Variants in MYL10 observed in about 807,000 individuals in gnomAD.
The protein encoded by MYL10 is myosin light chain 10.
In MYL10, 18 loss-of-function variants were observed where a neutral mutation model predicts 21.9. The observed-to-expected ratio is 0.82, with a 90% CI of 0.57 to 1.22. The LOEUF (loss-of-function observed/expected upper bound fraction) is 1.22, where lower values mean the gene tolerates loss of function less well. Ranked by LOEUF, MYL10 falls within the 50% of genes most tolerant of loss-of-function variation. MYL10 has a pLI of 0.00. For synonymous variants in MYL10, 88 were observed against 82.8 expected, an observed-to-expected ratio of 1.06 and a Z score of -0.34; for missense variants, 225 against 230.4, an observed-to-expected ratio of 0.98 and a Z score of 0.15.
At chr7:101,627,472 A>C (rs1796760031) in intron 1 of MYL10, 1 of 152,854 alleles carries the variant, frequency 6.5e-6, no homozygotes, top group African/African-American at 2.4e-5. Context: ...GAACAACCCC[A>C]GCCTACCATG....
At chr7:101,620,172 A>C (rs978164511) in intron 5 of MYL10, among the ~76,000 whole-genome samples, 12 of 152,000 alleles carry the variant, frequency 7.9e-5, no homozygotes, top group Admixed American at 2.6e-4. Flanking sequence ...AAATACAAAA[A>C]AATTTAGCGG....
chr7:101,617,046 G>T (rs1796617253), intron 5 of MYL10, among the ~76,000 whole-genome samples: 2 of 152,264 alleles, frequency 1.3e-5, no homozygotes, highest in South Asian at 2.1e-4. Context: ...GAGAGAGGAA[G>T]GGTCTTGCCC....
In MYL10 at chr7:101,622,142, G is replaced by T. The variant is rs765269001; in HGVS notation, c.408C>A (p.Pro136=). The T allele has an allele frequency of 6.2e-7, 1 of 1,613,704 alleles. No homozygotes were observed. Among genetic ancestry groups the T allele is most frequent in the South Asian group, 1.1e-5 (1 of 91,044 alleles). Residue 136 remains proline, a synonymous_variant, in exon 5 of 8, where the codon CCC becomes CCA. Coordinates refer to ENST00000223167, the MANE Select transcript of MYL10 (RefSeq NM_138403.5). ...LEAMVKEAPG[P]INFTVFLTMF... ...TGGTCAGGAACACCGTGAAGTTGAT[G>T]GGTCCGGGGGCCTCCTTCACCATGG...
chr7:101,619,033 G>A (rs558342631), intron 5 of MYL10, among the ~76,000 whole-genome samples: 271 of 152,254 alleles, frequency 1.8e-3, no homozygotes, highest in Non-Finnish European at 3.1e-3. Flanking sequence ...CACCAGGGGC[G>A]GGAGGTGCTC....
chr7:101,624,358 T>C, intron 1 of MYL10, 94 bp from the exon 2 acceptor site: 1 of 900,812 alleles, frequency 1.1e-6, no homozygotes, highest in Non-Finnish European at 1.7e-6. Flanking sequence ...CGGTCCAGAA[T>C]GACACCGCTT....
At chr7:101,622,067 C>T (rs750656435) in intron 5 of MYL10, 29 bp downstream of exon 5, 3 of 1,561,520 alleles carry the variant, frequency 1.9e-6, no homozygotes, top group Admixed American at 3.3e-5. Flanking sequence ...TCCCTGCTGC[C>T]CCTCCAGGAC....
At chr7:101,624,290 C>A (rs775506050) in intron 1 of MYL10, 26 bp from the exon 2 acceptor site, 5 of 1,593,792 alleles carry the variant, frequency 3.1e-6, no homozygotes, top group Non-Finnish European at 4.3e-6. Context: ...CAAGGCCTTG[C>A]AGCGGCCCCT....
intron 5 of MYL10, among the ~76,000 whole-genome samples, chr7:101,618,192 C>T (rs1402772457): frequency 6.6e-6 from 1 of 152,246 alleles, no homozygotes; most frequent in Non-Finnish European, 1.5e-5. Context: ...TGCCTCTGGG[C>T]AGGGTGGCAG....
chr7:101,619,244 G>A (rs1245660274), intron 5 of MYL10, among the ~76,000 whole-genome samples: 1 of 152,146 alleles, frequency 6.6e-6, no homozygotes, highest in Non-Finnish European at 1.5e-5. Flanking sequence ...TTCTCTCCCG[G>A]CCTCCTGGGC....
intron 5 of MYL10, among the ~76,000 whole-genome samples, chr7:101,617,027 T>G (rs888043534): frequency 2.6e-5 from 4 of 152,224 alleles, no homozygotes; most frequent in Non-Finnish European, 4.4e-5. Flanking sequence ...AATGGGAAAC[T>G]GAAGCCCAGA....
At chr7:101,620,513 T>C (rs1169765898) in intron 5 of MYL10, among the ~76,000 whole-genome samples, 1 of 152,246 alleles carries the variant, frequency 6.6e-6, no homozygotes, top group African/African-American at 2.4e-5. Flanking sequence ...AATACATGTC[T>C]GTTGTTTTGA....
rs1796577318 is a variant in MYL10 at position 101,613,730 on chromosome 7, A to T, written c.534-20T>A. On this transcript the variant is annotated intron_variant, in intron 6 of 7. Transcript: ENST00000223167. ...TTGATGCTGTTCAAGGGAGAGACAC[A>T]GTCATGTTCAGGGAACGGGATACCC... 6.2e-7 allele frequency: 1 copy of T among 1,613,660 alleles called. No individual in the cohort carries two copies. The highest frequency in any genetic ancestry group is 1.7e-5 in the Admixed American group (1 of 59,982).
At chr7:101,625,015 C>T (rs1013181165) in intron 1 of MYL10, among the ~76,000 whole-genome samples, 3 of 152,060 alleles carry the variant, frequency 2.0e-5, no homozygotes, top group Non-Finnish European at 4.4e-5. Context: ...TCTGTGTCCT[C>T]GACTAAGTGG....
At chr7:101,616,401 G>T (rs1179254995) in intron 5 of MYL10, 103 bp from the exon 6 acceptor site, 1 of 843,584 alleles carries the variant, frequency 1.2e-6, no homozygotes, top group Non-Finnish European at 2.0e-6. Context: ...CAAGTCCCAC[G>T]GCCCCTGCAC....
rs1050091147 is a variant in MYL10 at position 101,623,127 on chromosome 7, C to T, written c.274-55G>A. ...CCTGCCCTTCCAAGCCCGGCCACCT[C>T]CCCCAGGGACCGTCCTCCTGCCGAC... On this transcript the variant is annotated intron_variant, in intron 3 of 7. Transcript: ENST00000223167. 3.9e-6 allele frequency: 6 copies of T among 1,526,130 alleles called. No homozygotes were observed. In the South Asian group the frequency reaches 5.7e-5, roughly 14 times the overall value. The allele number at this position is 1,526,130 out of a possible 1,614,324, so 94.5% of individuals were successfully genotyped here. A position where few individuals can be genotyped will look rare whatever the true frequency, so the allele number is the denominator to read the frequency against.
intron 5 of MYL10, among the ~76,000 whole-genome samples, chr7:101,621,581 T>G (rs981452950): frequency 1.5e-5 from 2 of 137,340 alleles, no homozygotes; most frequent in Non-Finnish European, 3.2e-5. Flanking sequence ...AGGCAGTGTT[T>G]AGTTTTTATG....
At position 101,613,707 on chromosome 7, in the gene MYL10, G is replaced by A. The variant is rs781393629; in HGVS notation, c.537C>T (p.Ile179=). Residue 179 remains isoleucine, a synonymous_variant, in exon 7 of 8, where the codon ATC becomes ATT. Transcript: ENST00000223167. ...EGKGFVKADV[I]KEKLMTQADR... ...CTGCCTGGGTCATAAGTTTTTCTTT[G>A]ATGCTGTTCAAGGGAGAGACACAGT... The A allele has an allele frequency of 2.7e-5, 44 of 1,613,914 alleles. 1 individual carries two copies. In the South Asian group the frequency reaches 4.0e-4, roughly 14 times the overall value.
chr7:101,627,217 C>A (rs1051353842), intron 1 of MYL10, among the ~76,000 whole-genome samples: 1 of 151,714 alleles, frequency 6.6e-6, no homozygotes, highest in Non-Finnish European at 1.5e-5. Flanking sequence ...GAACCTCACT[C>A]GAAGCCAGGA....
chr7:101,613,646 C>G lies in MYL10; in HGVS notation c.582+16G>C, dbSNP rs1208816628. 4 of 1,614,028 alleles carry G rather than the reference C, an allele frequency of 2.5e-6. No individual in the cohort carries two copies. Among genetic ancestry groups the G allele is most frequent in the Non-Finnish European group, 3.4e-6 (4 of 1,180,018 alleles). On this transcript the variant is annotated intron_variant, in intron 7 of 7. Coordinates refer to ENST00000223167, the MANE Select transcript of MYL10 (RefSeq NM_138403.5). ...GAGCAGAGAATCCGCCGTGACCCAC[C>G]AGAATCCCAGTTTACCTCCTCCTCA...
Sources: gnomAD v4.1 joint callset for allele counts (sites outside exome capture counted in the v4.1 genomes callset) on GRCh38, gnomAD v4.1.1 for gene constraint, MANE v1.5 for transcripts, NCBI Gene and HGNC (gene_info 2026-07-23, HGNC 2026-07-21) for gene names.